The following IGHMBP2 variants were observed in gnomAD, a reference collection of about 807,000 sequenced individuals.
IGHMBP2 encodes DNA-binding protein SMUBP-2.
IGHMBP2 carries 81 observed loss-of-function variants against 96.0 expected under a neutral mutation model. That is an observed-to-expected ratio of 0.84 (90% CI 0.71 to 1.01). The LOEUF is 1.01. Among genes scored for constraint, IGHMBP2 ranks in the 50% least tolerant of loss-of-function variants. IGHMBP2 has a pLI of 0.00. For missense variants in IGHMBP2, 1,227 were observed against 1,306.3 expected (o/e 0.94, Z 0.94); for synonymous variants, 557 against 548.9 (o/e 1.01, Z -0.21).
chr11:68,933,638 C>A, intron 9 of IGHMBP2, 157 bp downstream of exon 9: 1 of 1,072,928 alleles, frequency 9.3e-7, no homozygotes. Context: ...CCCTGGAGAG[C>A]TGGGTCAGGC....
chr11:68,910,076 C>T (rs1379691315), intron 4 of IGHMBP2, among the ~76,000 whole-genome samples: 1 of 152,196 alleles, frequency 6.6e-6, no homozygotes, highest in Non-Finnish European at 1.5e-5. Context: ...TTGGCCAAGC[C>T]TCATGCAAGG....
intron 7 of IGHMBP2, among the ~76,000 whole-genome samples, chr11:68,922,311 C>T (rs1369803960): frequency 3.3e-5 from 5 of 150,990 alleles, no homozygotes; most frequent in African/African-American, 4.9e-5. Flanking sequence ...AGCCAGACTC[C>T]GTCTCAAAAA....
chr11:68,912,707 G>GAA (rs1368062665), intron 5 of IGHMBP2, among the ~76,000 whole-genome samples: 1 of 151,998 alleles, frequency 6.6e-6, no homozygotes, highest in Non-Finnish European at 1.5e-5. Context: ...AATCCTCACT[G>GAA]AAACCCTGTG....
At chr11:68,927,551 T>C (rs564865771) in intron 7 of IGHMBP2, among the ~76,000 whole-genome samples, 2 of 152,244 alleles carry the variant, frequency 1.3e-5, no homozygotes, top group African/African-American at 4.8e-5. Context: ...TGTGGCCTTC[T>C]AGATTCCCAG....
In IGHMBP2 at chr11:68,939,832, G is replaced by C. The variant is rs890687805; in HGVS notation, c.*101G>C. 4.7e-6 allele frequency: 6 copies of C among 1,267,858 alleles called. No homozygotes were observed. The African/African-American group carries it at 9.0e-5, about 19-fold the overall frequency. The allele number at this position is 1,267,858 out of a possible 1,614,324, so 78.5% of individuals were successfully genotyped here. On this transcript the variant is annotated 3_prime_UTR_variant, in exon 15 of 15. Coordinates refer to ENST00000255078, the MANE Select transcript of IGHMBP2 (RefSeq NM_002180.3). ...CACCAGGGCCACAGAGGAGCGGAGGGGCCTATGGGGGAGGAGCGGAGGGCC... is the reference window on the plus strand; with the variant it reads ...CACCAGGGCCACAGAGGAGCGGAGGCGCCTATGGGGGAGGAGCGGAGGGCC...
intron 13 of IGHMBP2, among the ~76,000 whole-genome samples, chr11:68,937,581 C>T (rs1414826973): frequency 2.0e-5 from 3 of 152,268 alleles, no homozygotes; most frequent in African/African-American, 7.2e-5. Context: ...CCTGGGTGGG[C>T]TCTGCCCCGT....
intron 5 of IGHMBP2, 88 bp downstream of exon 5, chr11:68,911,691 G>A: frequency 2.4e-6 from 3 of 1,237,646 alleles, no homozygotes; most frequent in Non-Finnish European, 3.5e-6. Context: ...TTCAGCCTCA[G>A]TTCTGGTGGG....
chr11:68,912,398 A>C (rs1481943860), intron 5 of IGHMBP2, among the ~76,000 whole-genome samples: 1 of 152,088 alleles, frequency 6.6e-6, no homozygotes, highest in South Asian at 2.1e-4. Context: ...CCAAAGTGCT[A>C]CGATTACAGG....
intron 6 of IGHMBP2, among the ~76,000 whole-genome samples, chr11:68,916,907 TACCTCC>T (rs2154007410): frequency 6.7e-6 from 1 of 149,702 alleles, no homozygotes; most frequent in Admixed American, 6.6e-5. Context: ...CACAGTAAAA[TACCTCC>T]TGTCACCCCT....
Position 68,915,166 on chromosome 11 carries a change from C to CCCT in IGHMBP2, c.912+143_912+144insCCT, listed in dbSNP as rs1191505010. On this transcript the variant is annotated intron_variant, in intron 6 of 14. Coordinates refer to ENST00000255078, the MANE Select transcript of IGHMBP2 (RefSeq NM_002180.3). ...TAATAATTTTAAAAATTGGGCTGCC[C>CCCT]TTTTTTTTTTTTTTTTTTTTTTTTT... 2.4e-5 allele frequency: 5 copies of CCCT among 206,382 alleles called. No homozygotes were observed. In the African/African-American group the frequency reaches 2.7e-4, roughly 11 times the overall value. 12.8% of individuals were successfully genotyped at this position (206,382 alleles called of 1,614,324 possible). A position where few individuals can be genotyped will look rare whatever the true frequency, so the allele number is the denominator to read the frequency against.
intron 2 of IGHMBP2, 49 bp from the exon 3 acceptor site, chr11:68,908,095 TA>T: frequency 7.2e-7 from 1 of 1,380,256 alleles, no homozygotes; most frequent in Non-Finnish European, 1.0e-6. Flanking sequence ...CAGAAAATGA[TA>T]TTGAAGCTTT....
intron 14 of IGHMBP2, among the ~76,000 whole-genome samples, 171 bp from the exon 15 acceptor site, chr11:68,939,363 C>T (rs1467864799): frequency 3.3e-5 from 5 of 152,180 alleles, no homozygotes; most frequent in African/African-American, 1.2e-4. Context: ...GGGTGCAGAC[C>T]ACCCCGCCGC....
chr11:68,922,490 G>T (rs1459544765), intron 7 of IGHMBP2, among the ~76,000 whole-genome samples: 1 of 151,768 alleles, frequency 6.6e-6, no homozygotes, highest in Non-Finnish European at 1.5e-5. Flanking sequence ...CTGCCTCCTG[G>T]GTTCAAGCGA....
intron 7 of IGHMBP2, among the ~76,000 whole-genome samples, chr11:68,921,356 C>T (rs969945893): frequency 2.0e-5 from 3 of 152,142 alleles, no homozygotes; most frequent in Non-Finnish European, 4.4e-5. Context: ...ACCTTGGCCA[C>T]CTTGGTGCTG....
chr11:68,929,915 G>C (rs545841827), intron 8 of IGHMBP2: 1 of 977,302 alleles, frequency 1.0e-6, no homozygotes, highest in Non-Finnish European at 1.2e-6. Context: ...AGACACTGGA[G>C]CCCTGATGCA....
chr11:68,926,860 G>A (rs1859090928), intron 7 of IGHMBP2, among the ~76,000 whole-genome samples: 1 of 152,008 alleles, frequency 6.6e-6, no homozygotes, highest in African/African-American at 2.4e-5. Context: ...CCGTCTCCTA[G>A]GTTCAAGCGA....
Position 68,936,390 on chromosome 11 carries a change from G to T in IGHMBP2, c.1910G>T (p.Arg637Leu). Residue 637 changes from arginine to leucine, a missense_variant, in exon 13 of 15, where the codon CGC becomes CTC. Transcript: ENST00000255078. ...TATTTCACACAGCATGGGGAAGTAC[G>T]CACGGCCTTTGAGTATCTTGACGAT... Reference protein sequence around the residue: ...VEYFTQHGEVRTAFEYLDDIV... With the variant: ...VEYFTQHGEVLTAFEYLDDIV... 6.2e-7 allele frequency: 1 copy of T among 1,614,168 alleles called. No homozygotes were observed. The highest frequency in any genetic ancestry group is 1.3e-5 in the African/African-American group (1 of 75,058).
chr11:68,908,712 TAA>T lies in IGHMBP2; in HGVS notation c.547+82_547+83del, dbSNP rs1227768407. ...ACAGTGTGACCTTGGGCCGTTTTAA[TAA>T]GAGTTTGAGAAAGTATGACTAGAAG... On this transcript the variant is annotated intron_variant, in intron 4 of 14. Transcript: ENST00000255078. 6 of 977,328 alleles carry T rather than the reference TAA, an allele frequency of 6.1e-6. No homozygotes were observed. In the African/African-American group the frequency reaches 6.4e-5, roughly 10 times the overall value. 60.5% of individuals were successfully genotyped at this position (977,328 alleles called of 1,614,324 possible).
intron 7 of IGHMBP2, among the ~76,000 whole-genome samples, chr11:68,926,964 A>G (rs1046349786): frequency 6.6e-6 from 1 of 152,068 alleles, no homozygotes; most frequent in African/African-American, 2.4e-5. Flanking sequence ...TGGGGTCACC[A>G]TGTTGGCCAG....
Sources: allele counts gnomAD v4.1 joint callset (sites outside exome capture counted in the v4.1 genomes callset), GRCh38; gene constraint gnomAD v4.1.1; transcripts MANE v1.5; gene names NCBI Gene and HGNC (gene_info 2026-07-23, HGNC 2026-07-21).